Variants in CRLF3 observed in about 807,000 individuals in gnomAD.
CRLF3 encodes the protein cytokine receptor like factor 3.
Under a neutral mutation model 55.0 loss-of-function variants are expected in CRLF3, and 33 were observed. The observed-to-expected ratio is 0.60, with a 90% CI of 0.46 to 0.80. The LOEUF is 0.80. Among genes scored for constraint, CRLF3 ranks in the 30% least tolerant of loss-of-function variants. The pLI, the probability that CRLF3 is intolerant of heterozygous loss-of-function variation, is 0.00. For missense variants in CRLF3, 494 were observed against 538.4 expected (o/e 0.92, Z 0.82); for synonymous variants, 238 against 196.8 (o/e 1.21, Z -1.75).
At chr17:30,792,201 G>T (rs1971817574) in intron 6 of CRLF3, among the ~76,000 whole-genome samples, 2 of 152,032 alleles carry the variant, frequency 1.3e-5, no homozygotes, top group Non-Finnish European at 2.9e-5. Context: ...AAGAGGAAAA[G>T]AGATATAAAC....
Position 30,815,037 on chromosome 17 carries a change from C to A in CRLF3, c.129+9486G>T, listed in dbSNP as rs116987446. On this transcript the variant is annotated intron_variant, in intron 1 of 7. Coordinates refer to ENST00000324238, the MANE Select transcript of CRLF3 (RefSeq NM_015986.4). ...AAAAAAATCTACACACAAAAACATA[C>A]CTCTATAACATTCACACACATTTTT... Among the ~76,000 whole-genome samples the A allele has an allele frequency of 1.3e-3, 191 of 151,654 alleles. 5 individuals are homozygous for A. The East Asian group carries it at 0.032, about 26-fold the overall frequency.
chr17:30,797,401 A>G lies in CRLF3; in HGVS notation c.338-3T>C. The stretch of plus-strand genomic sequence containing the variant: ...ACCACCAAGCATGGCGATTTCACCT[A>G]CAATCAAGAATAAGAGAACTAGAAC... On this transcript the variant is annotated splice_region_variant and splice_polypyrimidine_tract_variant and intron_variant, in intron 2 of 7. Coordinates refer to ENST00000324238, the MANE Select transcript of CRLF3 (RefSeq NM_015986.4). 1 of 1,608,678 alleles carries G rather than the reference A, an allele frequency of 6.2e-7. No homozygotes were observed. The highest frequency in any genetic ancestry group is 8.5e-7 in the Non-Finnish European group (1 of 1,175,040).
At chr17:30,793,825 C>T (rs1350092889) in intron 4 of CRLF3, among the ~76,000 whole-genome samples, 153 bp from the exon 5 acceptor site, 3 of 151,882 alleles carry the variant, frequency 2.0e-5, no homozygotes, top group African/African-American at 7.3e-5. Context: ...GAAAATATGC[C>T]ATCACATCAT....
chr17:30,789,970 TA>T (rs1339846508), intron 6 of CRLF3, among the ~76,000 whole-genome samples: 1 of 152,090 alleles, frequency 6.6e-6, no homozygotes, highest in Non-Finnish European at 1.5e-5. Flanking sequence ...GGGGAATAGT[TA>T]AATAGATTTT....
At chr17:30,795,421 G>A (rs904013253) in intron 4 of CRLF3, among the ~76,000 whole-genome samples, 3 of 151,864 alleles carry the variant, frequency 2.0e-5, no homozygotes, top group Non-Finnish European at 4.4e-5. Context: ...GCTTGAACCC[G>A]GGAGACGGAG....
intron 6 of CRLF3, among the ~76,000 whole-genome samples, chr17:30,788,599 C>CTTTT (rs1159336036): frequency 0.022 from 1,798 of 80,030 alleles, 174 homozygotes; most frequent in Middle Eastern, 0.031. Context: ...GTAGTGCCTT[C>CTTTT]TTTTTTTTTT....
At chr17:30,812,136 A>C (rs1423063853) in intron 1 of CRLF3, among the ~76,000 whole-genome samples, 1 of 152,114 alleles carries the variant, frequency 6.6e-6, no homozygotes, top group Non-Finnish European at 1.5e-5. Context: ...AAAAATAAAA[A>C]TAAAGACAAA....
intron 1 of CRLF3, among the ~76,000 whole-genome samples, chr17:30,820,386 C>T (rs1438027837): frequency 6.6e-6 from 1 of 152,146 alleles, no homozygotes; most frequent in African/African-American, 2.4e-5. Flanking sequence ...GGATAAGAAA[C>T]TAAAGCAAAG....
Position 30,787,890 on chromosome 17 carries a change from C to T in CRLF3, c.960-1859G>A, listed in dbSNP as rs1279021825. ...GTAGTGGCTCCTGTAATCCTAGCTA[C>T]TCAGGAGGCTGAGGTGAGAGGGTCA... On this transcript the variant is annotated intron_variant, in intron 6 of 7. Transcript: ENST00000324238. Among the ~76,000 whole-genome samples the T allele has an allele frequency of 3.3e-5, 5 of 152,212 alleles. No individual in the cohort carries two copies. In the East Asian group the frequency reaches 7.7e-4, roughly 24 times the overall value.
intron 6 of CRLF3, among the ~76,000 whole-genome samples, chr17:30,789,626 AAAT>A (rs1971741409): frequency 6.6e-6 from 1 of 152,208 alleles, no homozygotes; most frequent in East Asian, 1.9e-4. Flanking sequence ...GACACTGGGT[AAAT>A]AACTTCTCTA....
chr17:30,808,975 C>G (rs1336013182), intron 1 of CRLF3, among the ~76,000 whole-genome samples: 1 of 152,222 alleles, frequency 6.6e-6, no homozygotes, highest in African/African-American at 2.4e-5. Context: ...TGTGTCAGAA[C>G]GCTGTAATAC....
chr17:30,796,566 G>A (rs1971921677), intron 3 of CRLF3, among the ~76,000 whole-genome samples: 1 of 151,816 alleles, frequency 6.6e-6, no homozygotes, highest in South Asian at 2.1e-4. Flanking sequence ...CAAAAGATCT[G>A]GTTTACTGGA....
intron 1 of CRLF3, among the ~76,000 whole-genome samples, chr17:30,807,619 G>T (rs1904454937): frequency 7.6e-6 from 1 of 131,766 alleles, no homozygotes; most frequent in African/African-American, 2.9e-5. Context: ...TGCAACCTCT[G>T]CCTTCTGGGT....
chr17:30,817,814 G>A (rs1904852750), intron 1 of CRLF3, among the ~76,000 whole-genome samples: 1 of 149,604 alleles, frequency 6.7e-6, no homozygotes, highest in Non-Finnish European at 1.5e-5. Context: ...GCTGAGGCAG[G>A]AGAATGGCTT....
At chr17:30,811,803 CAAAAAAAA>C (rs915710879) in intron 1 of CRLF3, among the ~76,000 whole-genome samples, 1 of 27,752 alleles carries the variant, frequency 3.6e-5, no homozygotes, top group Non-Finnish European at 6.2e-5. Flanking sequence ...GACTCTGTCT[CAAAAAAAA>C]AAAAAAAAAA....
intron 1 of CRLF3, among the ~76,000 whole-genome samples, chr17:30,819,468 A>C (rs1170612949): frequency 6.6e-6 from 1 of 152,110 alleles, no homozygotes; most frequent in East Asian, 1.9e-4. Flanking sequence ...CATTTTGATC[A>C]GTTATCTCTA....
At chr17:30,788,649 C>T (rs1436559385) in intron 6 of CRLF3, among the ~76,000 whole-genome samples, 2 of 137,412 alleles carry the variant, frequency 1.5e-5, no homozygotes, top group Non-Finnish European at 3.0e-5. Flanking sequence ...ACTCTGTTGC[C>T]CCGGCTAGAG....
intron 1 of CRLF3, among the ~76,000 whole-genome samples, chr17:30,806,967 G>C (rs1329149448): frequency 6.6e-6 from 1 of 151,934 alleles, no homozygotes; most frequent in Non-Finnish European, 1.5e-5. Flanking sequence ...CAGATAACAG[G>C]CCAGGCATGG....
intron 6 of CRLF3, among the ~76,000 whole-genome samples, chr17:30,788,145 G>A (rs1001597958): frequency 1.3e-5 from 2 of 151,294 alleles, no homozygotes; most frequent in African/African-American, 2.4e-5. Context: ...TGGCTAACAC[G>A]GTGAAACCCC....
Sources: gnomAD v4.1 joint callset for allele counts (sites outside exome capture counted in the v4.1 genomes callset) on GRCh38, gnomAD v4.1.1 for gene constraint, MANE v1.5 for transcripts, NCBI Gene and HGNC (gene_info 2026-07-23, HGNC 2026-07-21) for gene names.